Variants in PCDHA11 observed in about 807,000 individuals in gnomAD.
The protein encoded by PCDHA11 is protocadherin alpha 11.
In PCDHA11, 61 loss-of-function variants were observed where a neutral mutation model predicts 70.3. That is an observed-to-expected ratio of 0.87 (90% CI 0.71 to 1.07). The LOEUF is 1.07. Ranked by LOEUF, PCDHA11 falls within the 50% of genes least tolerant of loss-of-function variation. The pLI is 0.00. For synonymous variants in PCDHA11, 633 were observed against 555.1 expected, an observed-to-expected ratio of 1.14 and a Z score of -1.97; for missense variants, 1,324 against 1,237.5, an observed-to-expected ratio of 1.07 and a Z score of -1.05.
At chr5:140,886,138 T>C (rs1166911705) in intron 1 of PCDHA11, among the ~76,000 whole-genome samples, 2 of 152,208 alleles carry the variant, frequency 1.3e-5, no homozygotes, top group African/African-American at 4.8e-5. Flanking sequence ...AACCAGATTC[T>C]TGATATCACC....
rs1291498310 is a variant in PCDHA11, at chr5:140,946,680, G to A, written c.2392-32269G>A. Among the ~76,000 whole-genome samples, 6 of 145,092 alleles carry A rather than the reference G, an allele frequency of 4.1e-5. No homozygotes were observed. In the East Asian group the frequency reaches 9.9e-4, roughly 24 times the overall value. On this transcript the variant is annotated intron_variant, in intron 1 of 3. Coordinates refer to ENST00000398640, the MANE Select transcript of PCDHA11 (RefSeq NM_018902.5). ...TAGAAAGAATGAAATCCTGTCATTCGTGACAATATGGATGAATCTGGAGGT... is the reference window on the plus strand; with the variant it reads ...TAGAAAGAATGAAATCCTGTCATTCATGACAATATGGATGAATCTGGAGGT...
chr5:140,990,022 G>A (rs891983888), intron 3 of PCDHA11, among the ~76,000 whole-genome samples: 1 of 152,156 alleles, frequency 6.6e-6, no homozygotes, highest in African/African-American at 2.4e-5. Flanking sequence ...GCTAGGCAAA[G>A]GATGGGAGAA....
intron 1 of PCDHA11, among the ~76,000 whole-genome samples, chr5:140,973,426 C>T (rs1554235288): frequency 6.6e-6 from 1 of 152,192 alleles, no homozygotes; most frequent in East Asian, 1.9e-4. Flanking sequence ...GTTTTTCATC[C>T]TCTGATGGTC....
intron 3 of PCDHA11, among the ~76,000 whole-genome samples, chr5:140,998,396 T>A (rs2097810780): frequency 6.6e-6 from 1 of 152,212 alleles, no homozygotes. Flanking sequence ...ATGCCATCTT[T>A]ATGCCAAAGT....
Position 140,875,195 on chromosome 5 carries a change from G to A in PCDHA11, c.2391+3701G>A, listed in dbSNP as rs1554167540. On this transcript the variant is annotated intron_variant, in intron 1 of 3. Transcript: ENST00000398640. ...AACATTAGAATTAAGAGTGACCCAG[G>A]AAGTGGCTAAACCGAAAAGAACCTC... is the stretch of plus-strand genomic sequence containing the variant. The A allele has an allele frequency of 1.5e-5, 8 of 526,354 alleles. No individual in the cohort carries two copies. The Admixed American group carries it at 1.6e-4, about 10-fold the overall frequency. 32.6% of individuals were successfully genotyped at this position (526,354 alleles called of 1,614,324 possible). A position where few individuals can be genotyped will look rare whatever the true frequency, so the allele number is the denominator to read the frequency against.
intron 1 of PCDHA11, among the ~76,000 whole-genome samples, chr5:140,895,301 C>T (rs2064953096): frequency 6.6e-6 from 1 of 152,000 alleles, no homozygotes; most frequent in Non-Finnish European, 1.5e-5. Flanking sequence ...TCGATTTCCC[C>T]CCTTCCACCC....
Position 140,871,048 on chromosome 5 carries a change from C to T in PCDHA11, c.1945C>T (p.Leu649=), listed in dbSNP as rs1472650820. The change falls in exon 1 of 4, where the codon CTG becomes TTG. Residue 649 remains leucine, a synonymous_variant. Coordinates refer to ENST00000398640, the MANE Select transcript of PCDHA11 (RefSeq NM_018902.5). The part of the protein sequence containing the change: ...ADSPRHRLLV[L]VKDHGEPALT... ...CTCGCCGCGCCACCGACTTCTAGTA[C>T]TGGTGAAGGATCACGGTGAGCCGGC... 6.2e-7 allele frequency: 1 copy of T among 1,613,348 alleles called. No individual in the cohort carries two copies. The highest frequency in any genetic ancestry group is 8.5e-7 in the Non-Finnish European group (1 of 1,179,870).
At chr5:140,986,511 C>T (rs181646630) in intron 3 of PCDHA11, among the ~76,000 whole-genome samples, 76 of 152,288 alleles carry the variant, frequency 5.0e-4, no homozygotes, top group African/African-American at 1.8e-3. Context: ...AAGGACTGCC[C>T]CTGCCTGTGA....
Position 140,871,002 on chromosome 5 carries a change from G to C in PCDHA11, c.1899G>C (p.Thr633=). The change falls in exon 1 of 4, where the codon ACG becomes ACC. Residue 633 remains threonine (T), a synonymous_variant. Transcript: ENST00000398640. ...TGTACACGGGCGAGATAAGCACAACGCGTGCCCTGGACGAGGCAGACTCGC... is the reference window on the plus strand; with the variant it reads ...TGTACACGGGCGAGATAAGCACAACCCGTGCCCTGGACGAGGCAGACTCGC... ...VGLYTGEIST[T]RALDEADSPR... 1 of 1,613,384 alleles carries C rather than the reference G, an allele frequency of 6.2e-7. No individual in the cohort carries two copies. Among genetic ancestry groups the C allele is most frequent in the Non-Finnish European group, 8.5e-7 (1 of 1,179,860 alleles).
chr5:140,891,667 A>T (rs2153435107), intron 1 of PCDHA11, among the ~76,000 whole-genome samples: 1 of 152,286 alleles, frequency 6.6e-6, no homozygotes, highest in African/African-American at 2.4e-5. Flanking sequence ...CCCACCTTAA[A>T]GTTTAATAAT....
At chr5:141,000,381 CTCTCTCTCTCTCTCTA>C (rs1443323474) in intron 3 of PCDHA11, among the ~76,000 whole-genome samples, 1 of 61,380 alleles carries the variant, frequency 1.6e-5, no homozygotes, top group African/African-American at 7.4e-5. Flanking sequence ...CTCTCTCTCT[CTCTCTCTCTCTCTCTA>C]TATATATATA....
intron 1 of PCDHA11, among the ~76,000 whole-genome samples, chr5:140,886,624 G>A (rs1204732273): frequency 6.6e-6 from 1 of 151,636 alleles, no homozygotes; most frequent in African/African-American, 2.4e-5. Context: ...TCAGGAGTCC[G>A]AGACCAGCCT....
In PCDHA11 at chr5:140,992,699, T is replaced by A. The variant is rs149489820; in HGVS notation, c.2539+10136T>A. Among the ~76,000 whole-genome samples the A allele has an allele frequency of 7.6e-3, 1,153 of 152,282 alleles. 6 individuals carry two copies. The highest frequency in any genetic ancestry group is 0.014 in the Middle Eastern group (4 of 294). On this transcript the variant is annotated intron_variant, in intron 3 of 3. Transcript: ENST00000398640. ...GTGTTAGGGGTTGAGGGGTGGGTAA[T>A]GTTCCTGCCAGTATTCGTAAATCCC...
chr5:140,947,685 G>T (rs553954790), intron 1 of PCDHA11, among the ~76,000 whole-genome samples: 1 of 151,508 alleles, frequency 6.6e-6, no homozygotes, highest in South Asian at 2.1e-4. Flanking sequence ...AATTGTCTCA[G>T]CATGTTCTGT....
chr5:140,979,125 C>T (rs782380399), intron 2 of PCDHA11, 118 bp downstream of exon 2: 4 of 1,479,726 alleles, frequency 2.7e-6, no homozygotes, highest in African/African-American at 2.8e-5. Context: ...GGTACTTTGC[C>T]AGGAAAATGC....
intron 3 of PCDHA11, among the ~76,000 whole-genome samples, chr5:141,003,132 C>G (rs1391034413): frequency 6.6e-6 from 1 of 152,208 alleles, no homozygotes; most frequent in African/African-American, 2.4e-5. Flanking sequence ...CTGGCATTTG[C>G]CTTGGCAAAG....
chr5:140,927,564 G>A (rs868927450), intron 1 of PCDHA11: 1 of 1,614,150 alleles, frequency 6.2e-7, no homozygotes, highest in South Asian at 1.1e-5. Context: ...TCATTGTGGT[G>A]GACACAAATG....
intron 1 of PCDHA11, among the ~76,000 whole-genome samples, chr5:140,903,696 A>G (rs2153481433): frequency 6.6e-6 from 1 of 152,370 alleles, no homozygotes; most frequent in East Asian, 1.9e-4. Context: ...ATAGTTTAAA[A>G]TAGTAATAAA....
intron 1 of PCDHA11, among the ~76,000 whole-genome samples, chr5:140,941,263 T>TTC (rs2092992439): frequency 7.5e-6 from 1 of 133,334 alleles, no homozygotes; most frequent in Non-Finnish European, 1.6e-5. Flanking sequence ...TTCTCTTTCT[T>TTC]TCTTTCTTTC....
Sources: gnomAD v4.1 joint callset for allele counts (sites outside exome capture counted in the v4.1 genomes callset) on GRCh38, gnomAD v4.1.1 for gene constraint, MANE v1.5 for transcripts, NCBI Gene and HGNC (gene_info 2026-07-23, HGNC 2026-07-21) for gene names.